The following LINGO2 variants were observed in gnomAD, a reference collection of about 807,000 sequenced individuals.
LINGO2 encodes leucine rich repeat and Ig domain containing 2.
Under a neutral mutation model 30.6 loss-of-function variants are expected in LINGO2, and 14 were observed. That is an observed-to-expected ratio of 0.46 (90% CI 0.30 to 0.72). The LOEUF (loss-of-function observed/expected upper bound fraction) is 0.72, where lower values mean the gene tolerates loss of function less well. Ranked by LOEUF, LINGO2 falls within the 30% of genes least tolerant of loss-of-function variation. The pLI is 0.07. For synonymous variants in LINGO2, 317 were observed against 288.5 expected, an observed-to-expected ratio of 1.10 and a Z score of -1.00; for missense variants, 729 against 751.7, an observed-to-expected ratio of 0.97 and a Z score of 0.35.
chr9:28,505,101 A>C (rs1278682232), intron 1 of LINGO2, among the ~76,000 whole-genome samples: 4 of 151,958 alleles, frequency 2.6e-5, no homozygotes, highest in African/African-American at 9.7e-5. Flanking sequence ...GTGATAGAAG[A>C]AGCAACAGTA....
At chr9:28,033,215 G>T (rs1395119906) in intron 4 of LINGO2, among the ~76,000 whole-genome samples, 1 of 152,158 alleles carries the variant, frequency 6.6e-6, no homozygotes, top group African/African-American at 2.4e-5. Context: ...AAATAGGTGT[G>T]CATGAATTTT....
intron 5 of LINGO2, among the ~76,000 whole-genome samples, chr9:27,960,718 CAT>C (rs933183249): frequency 1.3e-4 from 20 of 149,492 alleles, no homozygotes; most frequent in Non-Finnish European, 3.0e-4. Flanking sequence ...AATCTAGTCT[CAT>C]AATCTCTGCC....
At chr9:29,007,375 T>C in the LINGO2 span, among the ~76,000 whole-genome samples, 1 of 152,108 alleles carries the variant, frequency 6.6e-6, no homozygotes, top group Admixed American at 6.6e-5. Context: ...CATTATATAT[T>C]TTGTTTCCCA....
chr9:28,174,630 G>T (rs1450470220), intron 4 of LINGO2, among the ~76,000 whole-genome samples: 1 of 152,064 alleles, frequency 6.6e-6, no homozygotes, highest in Non-Finnish European at 1.5e-5. Context: ...TCTATATTTT[G>T]CATGATTTTC....
At chr9:28,161,922 A>G (rs1587114357) in intron 4 of LINGO2, among the ~76,000 whole-genome samples, 1 of 152,138 alleles carries the variant, frequency 6.6e-6, no homozygotes, top group Admixed American at 6.5e-5. Context: ...AAATTTTCCA[A>G]TGTTTCAATG....
chr9:28,008,876 A>C (rs1822404530), intron 5 of LINGO2, among the ~76,000 whole-genome samples: 1 of 152,156 alleles, frequency 6.6e-6, no homozygotes, highest in Admixed American at 6.5e-5. Context: ...TACATATCAA[A>C]ATCATGACTG....
intron 3 of LINGO2, among the ~76,000 whole-genome samples, chr9:28,334,899 C>T (rs1825540418): frequency 6.6e-6 from 1 of 152,054 alleles, no homozygotes. Context: ...GGCACAAAGA[C>T]AAAGCAGGGA....
At chr9:28,700,330 A>G in the LINGO2 span, among the ~76,000 whole-genome samples, 1 of 152,050 alleles carries the variant, frequency 6.6e-6, no homozygotes, top group Non-Finnish European at 1.5e-5. Flanking sequence ...GTAACCACCA[A>G]TATTTTTACT....
At chr9:27,999,264 A>C (rs892204891) in intron 5 of LINGO2, among the ~76,000 whole-genome samples, 1 of 152,150 alleles carries the variant, frequency 6.6e-6, no homozygotes, top group African/African-American at 2.4e-5. Context: ...GGAAGGCCAT[A>C]ATCAGAAAGC....
In LINGO2 at chr9:28,576,546, A is replaced by G. The variant is rs951806488; in HGVS notation, c.-365+93654T>C. On this transcript the variant is annotated intron_variant, in intron 1 of 5. Coordinates refer to ENST00000379992, the Ensembl canonical transcript of LINGO2. ...GATATTCCGGAATAACTGAATGCAGATATTACTTAAATAATCAGACACAAA... is the reference window on the plus strand; with the variant it reads ...GATATTCCGGAATAACTGAATGCAGGTATTACTTAAATAATCAGACACAAA... 3.3e-5 allele frequency among the ~76,000 whole-genome samples: 5 copies of G among 152,332 alleles called. No homozygotes were observed. The East Asian group carries it at 9.7e-4, about 29-fold the overall frequency.
At chr9:29,203,810 C>CACAAGA in the LINGO2 span, among the ~76,000 whole-genome samples, 1 of 152,190 alleles carries the variant, frequency 6.6e-6, no homozygotes, top group Non-Finnish European at 1.5e-5. Context: ...TGCAACATAG[C>CACAAGA]TTCCTATTTT....
At chr9:28,548,651 C>A (rs1195726254) in intron 1 of LINGO2, among the ~76,000 whole-genome samples, 2 of 134,968 alleles carry the variant, frequency 1.5e-5, no homozygotes, top group African/African-American at 2.8e-5. Context: ...TTGCACTGAG[C>A]CGAGATTGAG....
At chr9:28,505,433 T>C (rs1820069217) in intron 1 of LINGO2, among the ~76,000 whole-genome samples, 2 of 151,960 alleles carry the variant, frequency 1.3e-5, no homozygotes, top group Non-Finnish European at 2.9e-5. Context: ...ATATTGTTTA[T>C]AACATTTTAT....
chr9:28,909,773 A>G, the LINGO2 span, among the ~76,000 whole-genome samples: 13 of 152,184 alleles, frequency 8.5e-5, no homozygotes, highest in East Asian at 7.7e-4. Flanking sequence ...AAAGAGAGGT[A>G]CAACTCCAAG....
chr9:28,802,023 TA>T, the LINGO2 span, among the ~76,000 whole-genome samples: 1 of 151,836 alleles, frequency 6.6e-6, no homozygotes, highest in Non-Finnish European at 1.5e-5. Context: ...ATTTATATTA[TA>T]ACAAAAGTTA....
the LINGO2 span, among the ~76,000 whole-genome samples, chr9:29,189,668 G>A: frequency 0.35 from 52,705 of 151,814 alleles, 10,931 homozygotes; most frequent in Admixed American, 0.49. Flanking sequence ...GCAGGCGGCT[G>A]GGAGGTGGTT....
chr9:28,422,375 T>G (rs988659260), intron 2 of LINGO2, among the ~76,000 whole-genome samples: 1 of 152,102 alleles, frequency 6.6e-6, no homozygotes, highest in South Asian at 2.1e-4. Flanking sequence ...AATAAAGGAC[T>G]TAAAAAGAAG....
At chr9:29,189,893 T>C in the LINGO2 span, among the ~76,000 whole-genome samples, 2 of 151,226 alleles carry the variant, frequency 1.3e-5, no homozygotes, top group African/African-American at 2.5e-5. Flanking sequence ...GCGCCTGCAA[T>C]CGCAGGCACT....
At chr9:28,292,849 C>A (rs1485796865) in intron 4 of LINGO2, among the ~76,000 whole-genome samples, 1 of 151,696 alleles carries the variant, frequency 6.6e-6, no homozygotes, top group Non-Finnish European at 1.5e-5. Context: ...CGGTTCACTG[C>A]AAGCTCTGCC....
Sources: gnomAD v4.1 joint callset for allele counts (sites outside exome capture counted in the v4.1 genomes callset) on GRCh38, gnomAD v4.1.1 for gene constraint, MANE v1.5 for transcripts, NCBI Gene and HGNC (gene_info 2026-07-23, HGNC 2026-07-21) for gene names.